The following STPG2 variants were observed in gnomAD, a reference collection of about 807,000 sequenced individuals.
STPG2 encodes sperm-tail PG-rich repeat-containing protein 2.
STPG2 carries 56 observed loss-of-function variants against 54.2 expected under a neutral mutation model. The ratio of observed to expected loss-of-function variants is 1.03; its 90% CI spans 0.83 to 1.29. The LOEUF (loss-of-function observed/expected upper bound fraction) is 1.29. Among genes scored for constraint, STPG2 ranks in the 50% most tolerant of loss-of-function variants. The pLI is 0.00. For synonymous variants in STPG2, 200 were observed against 181.8 expected, an observed-to-expected ratio of 1.10 and a Z score of -0.81; for missense variants, 596 against 544.9, an observed-to-expected ratio of 1.09 and a Z score of -0.93.
chr4:97,832,439 C>T lies in STPG2; in HGVS notation c.1204+8334G>A, dbSNP rs548994774. Among the ~76,000 whole-genome samples, 7 of 152,238 alleles carry T rather than the reference C, an allele frequency of 4.6e-5. No homozygotes were observed. In the East Asian group the frequency reaches 7.7e-4, roughly 17 times the overall value. ...GAATGGGCAAAAACTGGAAGCATTC[C>T]CTTTGAAAACTGGCATAAGGCAAGG... is the stretch of plus-strand genomic sequence containing the variant. On this transcript the variant is annotated intron_variant, in intron 9 of 10. Coordinates refer to ENST00000295268, the MANE Select transcript of STPG2 (RefSeq NM_174952.3).
intron 10 of STPG2, among the ~76,000 whole-genome samples, chr4:97,624,327 C>A (rs1203863658): frequency 6.6e-6 from 1 of 151,982 alleles, no homozygotes; most frequent in Non-Finnish European, 1.5e-5. Flanking sequence ...TTAATAATTG[C>A]CATTCTGATC....
chr4:97,790,201 C>T (rs1007380084), intron 9 of STPG2, among the ~76,000 whole-genome samples: 1 of 152,088 alleles, frequency 6.6e-6, no homozygotes, highest in Non-Finnish European at 1.5e-5. Flanking sequence ...GAGCAAAGTG[C>T]TCAGTGCATT....
chr4:98,030,496 T>C (rs975172137), intron 5 of STPG2, among the ~76,000 whole-genome samples: 10 of 152,198 alleles, frequency 6.6e-5, no homozygotes, highest in African/African-American at 2.4e-4. Context: ...GCTATTTCTA[T>C]TAAAGTACCA....
intron 3 of STPG2, among the ~76,000 whole-genome samples, chr4:98,124,119 G>A (rs543667000): frequency 1.3e-5 from 2 of 152,244 alleles, no homozygotes; most frequent in Non-Finnish European, 2.9e-5. Flanking sequence ...GATGGATCTT[G>A]ACTGTTTATG....
chr4:97,493,190 G>A (rs1730538043), intron 4 of STPG2, among the ~76,000 whole-genome samples: 1 of 150,868 alleles, frequency 6.6e-6, no homozygotes, highest in Non-Finnish European at 1.5e-5. Flanking sequence ...AAACTGAAGA[G>A]TGAAACACAG....
At position 97,480,540 on chromosome 4, in the gene STPG2, T is replaced by C. The variant is rs144422051; in HGVS notation, c.462+232159A>G. On this transcript the variant is annotated intron_variant, in intron 4 of 4. Coordinates refer to the STPG2 transcript ENST00000522676. ...ATTGGTCTCTAGTTTTCTTTAATTA[T>C]AAAAACATTATAATTCCCACTAGAA... Among the ~76,000 whole-genome samples, 758 of 151,726 alleles carry C rather than the reference T, an allele frequency of 5.0e-3. 3 individuals carry two copies. The highest frequency in any genetic ancestry group is 8.0e-3 in the Non-Finnish European group (540 of 67,594).
At chr4:97,621,858 C>T (rs1489402803) in intron 10 of STPG2, among the ~76,000 whole-genome samples, 1 of 152,132 alleles carries the variant, frequency 6.6e-6, no homozygotes, top group Non-Finnish European at 1.5e-5. Context: ...CTTTGATGAA[C>T]ATACATGCAA....
At chr4:97,570,997 CA>C (rs1477127277) in intron 10 of STPG2, among the ~76,000 whole-genome samples, 3 of 151,950 alleles carry the variant, frequency 2.0e-5, no homozygotes, top group Non-Finnish European at 4.4e-5. Flanking sequence ...CAACTGGTTC[CA>C]AAAACTTTCT....
intron 4 of STPG2, among the ~76,000 whole-genome samples, chr4:97,464,857 C>T (rs1038003815): frequency 5.3e-5 from 8 of 152,098 alleles, no homozygotes; most frequent in Non-Finnish European, 8.8e-5. Flanking sequence ...TTTATGTCCA[C>T]TCAATTATAG....
chr4:97,855,899 T>C (rs1289051967), intron 8 of STPG2, among the ~76,000 whole-genome samples: 1 of 152,162 alleles, frequency 6.6e-6, no homozygotes, highest in Non-Finnish European at 1.5e-5. Flanking sequence ...GCCAGTTCTT[T>C]TAGCACCATT....
At chr4:97,830,736 T>C (rs1344451848) in intron 9 of STPG2, among the ~76,000 whole-genome samples, 2 of 152,050 alleles carry the variant, frequency 1.3e-5, no homozygotes, top group Non-Finnish European at 1.5e-5. Context: ...TAGTCTCTGA[T>C]AAAACAGACT....
intron 10 of STPG2, among the ~76,000 whole-genome samples, chr4:97,708,174 A>G (rs1418526917): frequency 6.6e-6 from 1 of 152,124 alleles, no homozygotes; most frequent in Non-Finnish European, 1.5e-5. Flanking sequence ...AGGGACAAAA[A>G]CACAACTAAA....
chr4:97,551,062 C>T (rs1393614837), intron 4 of STPG2, among the ~76,000 whole-genome samples: 1 of 151,670 alleles, frequency 6.6e-6, no homozygotes, highest in Non-Finnish European at 1.5e-5. Context: ...CTTTTATTCC[C>T]TTATTTGGCT....
chr4:97,467,286 TATGATTTTAATTTG>T (rs1330138269), intron 4 of STPG2, among the ~76,000 whole-genome samples: 1 of 151,948 alleles, frequency 6.6e-6, no homozygotes, highest in African/African-American at 2.4e-5. Flanking sequence ...GTTAAAAGTA[TATGATTTTAATTTG>T]ATGATTTTAA....
intron 5 of STPG2, among the ~76,000 whole-genome samples, chr4:98,080,175 G>A (rs987014378): frequency 1.1e-4 from 16 of 151,936 alleles, no homozygotes; most frequent in African/African-American, 3.9e-4. Flanking sequence ...AGAAAATTAC[G>A]TAAAAATTGT....
chr4:98,047,681 C>T (rs1383364587), intron 5 of STPG2, among the ~76,000 whole-genome samples: 2 of 152,106 alleles, frequency 1.3e-5, no homozygotes, highest in Non-Finnish European at 2.9e-5. Flanking sequence ...CGTGAACAAA[C>T]TCCTTTGAAA....
At chr4:97,866,994 T>A (rs776929429) in intron 8 of STPG2, among the ~76,000 whole-genome samples, 1 of 151,890 alleles carries the variant, frequency 6.6e-6, no homozygotes, top group Non-Finnish European at 1.5e-5. Context: ...AACCTCTCAG[T>A]TAAACAAGTA....
chr4:98,044,433 T>C (rs987471599), intron 5 of STPG2, among the ~76,000 whole-genome samples: 1 of 152,168 alleles, frequency 6.6e-6, no homozygotes, highest in Admixed American at 6.5e-5. Context: ...TTGGGATAAA[T>C]CTGTATCAAG....
Position 97,775,767 on chromosome 4 carries a change from GATTATT to G in STPG2, c.1205-62959_1205-62954del, listed in dbSNP as rs999410181. On this transcript the variant is annotated intron_variant, in intron 9 of 10. Transcript: ENST00000295268. ...GCAATATGGTAAAGAAATCAGTATT[GATTATT>G]ATTATTATTTTTAAAACAGAGTCTT... Among the ~76,000 whole-genome samples, 6 of 152,184 alleles carry G rather than the reference GATTATT, an allele frequency of 3.9e-5. 1 individual carries two copies. The highest frequency in any genetic ancestry group is 3.3e-4 in the Admixed American group (5 of 15,286).
Sources: allele counts gnomAD v4.1 joint callset (sites outside exome capture counted in the v4.1 genomes callset), GRCh38; gene constraint gnomAD v4.1.1; transcripts MANE v1.5; gene names NCBI Gene and HGNC (gene_info 2026-07-23, HGNC 2026-07-21).